PIP4K2A: variants seen among roughly 807,000 people sequenced by gnomAD.
PIP4K2A encodes the protein phosphatidylinositol-5-phosphate 4-kinase type 2 alpha, also known as phosphatidylinositol 5-phosphate 4-kinase type-2 alpha.
PIP4K2A carries 14 observed loss-of-function variants against 42.9 expected under a neutral mutation model. The ratio of observed to expected loss-of-function variants is 0.33; its 90% CI spans 0.22 to 0.51. The LOEUF (loss-of-function observed/expected upper bound fraction) is 0.51. PIP4K2A is among the 20% of genes least tolerant of loss of function. PIP4K2A has a pLI of 0.97. For synonymous variants in PIP4K2A, 192 were observed against 192.2 expected (o/e 1.00, Z 0.01); for missense variants, 434 against 519.8 (o/e 0.83, Z 1.61).
chr10:22,629,059 C>A (rs1438779630), intron 1 of PIP4K2A, among the ~76,000 whole-genome samples: 3 of 152,092 alleles, frequency 2.0e-5, no homozygotes, highest in African/African-American at 7.2e-5. Context: ...ACATAACTCT[C>A]CTTGCTAAAA....
At chr10:22,569,120 G>T in intron 5 of PIP4K2A, 2 of 1,171,918 alleles carry the variant, frequency 1.7e-6, no homozygotes, top group Non-Finnish European at 2.5e-6. Context: ...GACTAGGATT[G>T]AGCTTCCTGC....
At chr10:22,647,617 T>C (rs73598587) in intron 1 of PIP4K2A, among the ~76,000 whole-genome samples, 3,616 of 152,260 alleles carry the variant, frequency 0.024, 151 homozygotes, top group African/African-American at 0.081. Context: ...ACAAAGTGAC[T>C]GGTGTGATAG....
At chr10:22,662,344 C>A (rs1041617817) in intron 1 of PIP4K2A, among the ~76,000 whole-genome samples, 1 of 152,178 alleles carries the variant, frequency 6.6e-6, no homozygotes, top group Admixed American at 6.5e-5. Context: ...GAATCAAGAA[C>A]CTTTTGTAAG....
At chr10:22,598,518 C>G (rs889401674) in intron 3 of PIP4K2A, among the ~76,000 whole-genome samples, 3 of 152,222 alleles carry the variant, frequency 2.0e-5, no homozygotes, top group African/African-American at 4.8e-5. Flanking sequence ...CCCACAAGGT[C>G]TTCCTTCTAT....
At chr10:22,623,368 G>A (rs1160714622) in intron 1 of PIP4K2A, among the ~76,000 whole-genome samples, 6 of 152,106 alleles carry the variant, frequency 3.9e-5, no homozygotes, top group Non-Finnish European at 7.4e-5. Context: ...AAGTGCTCAC[G>A]AAGGAAGCGT....
intron 3 of PIP4K2A, among the ~76,000 whole-genome samples, chr10:22,599,718 C>A (rs753587830): frequency 3.9e-5 from 6 of 152,162 alleles, no homozygotes; most frequent in Non-Finnish European, 5.9e-5. Flanking sequence ...TATTTTGCAA[C>A]GTGGTGAATA....
chr10:22,594,199 G>C (rs1006784969), intron 3 of PIP4K2A, among the ~76,000 whole-genome samples: 1 of 152,158 alleles, frequency 6.6e-6, no homozygotes, highest in Admixed American at 6.5e-5. Context: ...CATGCAGCAC[G>C]TAAAGTCTAG....
chr10:22,573,223 T>C lies in PIP4K2A; in HGVS notation c.639+88A>G, dbSNP rs1837031725. ...GTAGCTTTAAGTGCTGAGCGGCTCCTAAGCATTTCTGATGATCAATGACAA... is the reference window on the plus strand; with the variant it reads ...GTAGCTTTAAGTGCTGAGCGGCTCCCAAGCATTTCTGATGATCAATGACAA... On this transcript the variant is annotated intron_variant, in intron 5 of 9. Coordinates refer to ENST00000376573, the MANE Select transcript of PIP4K2A (RefSeq NM_005028.5). 5.6e-6 allele frequency: 7 copies of C among 1,246,872 alleles called. No homozygotes were observed. The Admixed American group carries it at 1.3e-4, about 23-fold the overall frequency. The allele number at this position is 1,246,872 out of a possible 1,614,324, so 77.2% of individuals were successfully genotyped here. A position where few individuals can be genotyped will look rare whatever the true frequency, so the allele number is the denominator to read the frequency against.
In PIP4K2A at chr10:22,535,591, T is replaced by C. The variant is rs1835899619; in HGVS notation, c.*1610A>G. The C allele has an allele frequency of 6.6e-6, 1 of 152,358 alleles. No homozygotes were observed. The highest frequency in any genetic ancestry group is 1.5e-5 in the Non-Finnish European group (1 of 68,126). 9.4% of individuals were successfully genotyped at this position (152,358 alleles called of 1,614,324 possible). A position where few individuals can be genotyped will look rare whatever the true frequency, so the allele number is the denominator to read the frequency against. ...ATTAAAGGGTCGATTTTTGTTTGTTTGTTTTCTTTTCTGAAACTGCCCACA... is the reference window on the plus strand; with the variant it reads ...ATTAAAGGGTCGATTTTTGTTTGTTCGTTTTCTTTTCTGAAACTGCCCACA... On this transcript the variant is annotated 3_prime_UTR_variant, in exon 10 of 10. Coordinates refer to ENST00000376573, the MANE Select transcript of PIP4K2A (RefSeq NM_005028.5).
chr10:22,600,220 G>A (rs1837726992), intron 3 of PIP4K2A, among the ~76,000 whole-genome samples: 1 of 151,580 alleles, frequency 6.6e-6, no homozygotes, highest in Non-Finnish European at 1.5e-5. Flanking sequence ...CATTTTGATG[G>A]TCGTTTGTAT....
intron 1 of PIP4K2A, among the ~76,000 whole-genome samples, chr10:22,650,835 GGT>G (rs144940383): frequency 0.34 from 37,419 of 110,884 alleles, 4,992 homozygotes; most frequent in African/African-American, 0.44. Flanking sequence ...AAATCTACTG[GGT>G]TTTTTTTTTT....
At chr10:22,679,662 C>T (rs1325463353) in intron 1 of PIP4K2A, among the ~76,000 whole-genome samples, 1 of 152,122 alleles carries the variant, frequency 6.6e-6, no homozygotes, top group East Asian at 1.9e-4. Context: ...TCCAAAGGTC[C>T]ATTAATGGGT....
rs1278768852 is a variant in PIP4K2A at position 22,536,265 on chromosome 10, A to G, written c.*936T>C. The G allele has an allele frequency of 5.0e-6, 2 of 396,716 alleles. No individual in the cohort carries two copies. The highest frequency in any genetic ancestry group is 7.1e-5 in the East Asian group (2 of 28,002). The allele number at this position is 396,716 out of a possible 1,614,324, so 24.6% of individuals were successfully genotyped here. On this transcript the variant is annotated 3_prime_UTR_variant, in exon 10 of 10. Transcript: ENST00000376573. Reference sequence around the variant, plus strand: ...GGTTTTCCCACAGTGGGAGATGTAGATACCATTGCCCCAAACTATGCACTT... The same window carrying G: ...GGTTTTCCCACAGTGGGAGATGTAGGTACCATTGCCCCAAACTATGCACTT...
intron 1 of PIP4K2A, among the ~76,000 whole-genome samples, chr10:22,620,370 C>T (rs946368131): frequency 6.6e-6 from 1 of 152,186 alleles, no homozygotes; most frequent in Non-Finnish European, 1.5e-5. Flanking sequence ...AAAACAAGAG[C>T]TTACAACGTG....
At chr10:22,679,755 G>T (rs1202029495) in intron 1 of PIP4K2A, among the ~76,000 whole-genome samples, 1 of 152,106 alleles carries the variant, frequency 6.6e-6, no homozygotes, top group Non-Finnish European at 1.5e-5. Context: ...TTGTTACAAG[G>T]TACAATGTGG....
intron 1 of PIP4K2A, among the ~76,000 whole-genome samples, chr10:22,618,934 T>C (rs1838249382): frequency 6.6e-6 from 1 of 152,220 alleles, no homozygotes; most frequent in African/African-American, 2.4e-5. Flanking sequence ...AGAACATACT[T>C]AGAACAAAGA....
chr10:22,689,076 G>T (rs1031750316), intron 1 of PIP4K2A, among the ~76,000 whole-genome samples: 1 of 152,142 alleles, frequency 6.6e-6, no homozygotes, highest in Non-Finnish European at 1.5e-5. Flanking sequence ...TCTTCGAGGA[G>T]CACAAGGGTG....
intron 6 of PIP4K2A, among the ~76,000 whole-genome samples, chr10:22,552,007 T>C (rs1023772698): frequency 6.6e-6 from 1 of 152,246 alleles, no homozygotes; most frequent in African/African-American, 2.4e-5. Flanking sequence ...TTAGTCGCTT[T>C]GGCTACTAAC....
rs1451704980 is a variant in PIP4K2A, at chr10:22,567,887, G to A, written c.642C>T (p.Gly214=). ...CACTAGCTTCTCTAGCCACTGTAGAGCCCTGAAACACAAGGCAATAATAAA... is the reference window on the plus strand; with the variant it reads ...CACTAGCTTCTCTAGCCACTGTAGAACCCTGAAACACAAGGCAATAATAAA... ...LSVYRKYDLK[G]STVAREASDK... is the part of the protein sequence containing the mutation. Residue 214 remains glycine (G), a splice_region_variant and synonymous_variant, in exon 6 of 10, where the codon GGC becomes GGT. Coordinates refer to ENST00000376573, the MANE Select transcript of PIP4K2A (RefSeq NM_005028.5). The A allele has an allele frequency of 2.5e-6, 4 of 1,613,640 alleles. No individual in the cohort carries two copies. The highest frequency in any genetic ancestry group is 3.4e-6 in the Non-Finnish European group (4 of 1,179,496).
Sources: gnomAD v4.1 joint callset for allele counts (sites outside exome capture counted in the v4.1 genomes callset) on GRCh38, gnomAD v4.1.1 for gene constraint, MANE v1.5 for transcripts, NCBI Gene and HGNC (gene_info 2026-07-23, HGNC 2026-07-21) for gene names.